SMOC2: variants seen among roughly 807,000 people sequenced by gnomAD.
SMOC2 encodes SPARC related modular calcium binding 2, also known as SPARC-related modular calcium-binding protein 2.
Under a neutral mutation model 61.4 loss-of-function variants are expected in SMOC2, and 39 were observed. The observed-to-expected ratio is 0.64, with a 90% CI of 0.49 to 0.83. SMOC2 has a LOEUF of 0.83. SMOC2 is among the 40% of genes least tolerant of loss of function. SMOC2 has a pLI of 0.00. For missense variants in SMOC2, 556 were observed against 592.9 expected, an observed-to-expected ratio of 0.94 and a Z score of 0.65; for synonymous variants, 247 against 239.9, an observed-to-expected ratio of 1.03 and a Z score of -0.27.
chr6:168,648,384 C>T (rs1193646050), intron 9 of SMOC2, among the ~76,000 whole-genome samples: 2 of 152,224 alleles, frequency 1.3e-5, no homozygotes, highest in East Asian at 1.9e-4. Context: ...CACGTGTTCC[C>T]GAGCCTGTGC....
chr6:168,542,974 C>G (rs1783905676), intron 4 of SMOC2, among the ~76,000 whole-genome samples: 2 of 152,166 alleles, frequency 1.3e-5, no homozygotes, highest in African/African-American at 4.8e-5. Flanking sequence ...TATTCAACTG[C>G]CAGTAAACTC....
chr6:168,443,094 C>G (rs1781252807), intron 1 of SMOC2, among the ~76,000 whole-genome samples: 1 of 152,230 alleles, frequency 6.6e-6, no homozygotes, highest in Non-Finnish European at 1.5e-5. Context: ...CAAAGGAGAT[C>G]ATAGCATTTT....
intron 7 of SMOC2, among the ~76,000 whole-genome samples, chr6:168,584,794 C>G (rs533179169): frequency 6.6e-6 from 1 of 152,250 alleles, no homozygotes; most frequent in South Asian, 2.1e-4. Context: ...GATGCACAGA[C>G]GGCCGTGCAC....
At chr6:168,579,399 G>T (rs1382179109) in intron 7 of SMOC2, among the ~76,000 whole-genome samples, 1 of 152,190 alleles carries the variant, frequency 6.6e-6, no homozygotes, top group East Asian at 1.9e-4. Flanking sequence ...CTCATCAGCT[G>T]TATTAGGTGA....
intron 9 of SMOC2, among the ~76,000 whole-genome samples, chr6:168,640,090 C>T (rs1218789270): frequency 6.6e-6 from 1 of 152,176 alleles, no homozygotes; most frequent in Non-Finnish European, 1.5e-5. Context: ...TCACTGCTCC[C>T]TCCTGATGGA....
rs1319874468 is a variant in SMOC2, at chr6:168,457,575, A to G, written c.84+16121A>G. Among the ~76,000 whole-genome samples the G allele has an allele frequency of 2.6e-5, 4 of 152,300 alleles. No homozygotes were observed. The East Asian group carries it at 7.7e-4, about 29-fold the overall frequency. On this transcript the variant is annotated intron_variant, in intron 1 of 12. Coordinates refer to ENST00000356284, the MANE Select transcript of SMOC2 (RefSeq NM_001166412.2). The stretch of plus-strand genomic sequence containing the variant: ...TGCGGCAGAGTAATCCTCCCAGAAC[A>G]TGAGCCCCGCGTCACGTCCTTCCAG...
chr6:168,505,705 G>C (rs1782858646), intron 1 of SMOC2, among the ~76,000 whole-genome samples: 2 of 152,236 alleles, frequency 1.3e-5, no homozygotes, highest in African/African-American at 4.8e-5. Flanking sequence ...TTCCATATTT[G>C]CTTGGAAGAT....
chr6:168,589,018 A>C (rs1269654705), intron 7 of SMOC2, among the ~76,000 whole-genome samples: 1 of 146,950 alleles, frequency 6.8e-6, no homozygotes, highest in Non-Finnish European at 1.5e-5. Context: ...TGGAGGTTGC[A>C]GTGAGTTGAG....
At chr6:168,480,003 G>T (rs1377930882) in intron 1 of SMOC2, among the ~76,000 whole-genome samples, 3 of 152,152 alleles carry the variant, frequency 2.0e-5, no homozygotes, top group African/African-American at 7.2e-5. Context: ...AGGGAAAGGT[G>T]CAGGCTCAGA....
At chr6:168,635,130 A>G (rs2115252092) in intron 9 of SMOC2, among the ~76,000 whole-genome samples, 2 of 152,300 alleles carry the variant, frequency 1.3e-5, no homozygotes, top group East Asian at 3.9e-4. Context: ...GTTCTCTCTT[A>G]TTTCAAACTT....
chr6:168,510,137 A>G, intron 2 of SMOC2, 51 bp downstream of exon 2: 1 of 1,541,996 alleles, frequency 6.5e-7, no homozygotes, highest in South Asian at 1.2e-5. Flanking sequence ...CCATCATCAA[A>G]ATGAATGCAA....
rs542977900 is a variant in SMOC2, at chr6:168,600,445, A to C, written c.824+1441A>C. Among the ~76,000 whole-genome samples the C allele has an allele frequency of 2.9e-3, 425 of 144,690 alleles. 18 individuals are homozygous for C. Among genetic ancestry groups the C allele is most frequent in the African/African-American group, 0.01 (392 of 39,102 alleles). 94.9% of individuals were successfully genotyped at this position (144,690 alleles called of 152,430 possible). A position where few individuals can be genotyped will look rare whatever the true frequency, so the allele number is the denominator to read the frequency against. On this transcript the variant is annotated intron_variant, in intron 8 of 12. Transcript: ENST00000356284. ...AACAAAAAAAAAAACAAAAAAAAAA[A>C]CAGTAGTTTCAACTGTTGGAAACTG...
At chr6:168,641,831 T>C (rs1048725944) in intron 9 of SMOC2, among the ~76,000 whole-genome samples, 1 of 152,214 alleles carries the variant, frequency 6.6e-6, no homozygotes, top group African/African-American at 2.4e-5. Flanking sequence ...CTTCTATCAG[T>C]GTATTAGTTA....
chr6:168,454,290 C>CATCGCA (rs1219937759), intron 1 of SMOC2, among the ~76,000 whole-genome samples: 2 of 152,250 alleles, frequency 1.3e-5, no homozygotes, highest in East Asian at 3.9e-4. Context: ...AGAGCTGAGG[C>CATCGCA]ATCGCTGAAG....
At chr6:168,663,368 C>T (rs1787571248) in intron 11 of SMOC2, among the ~76,000 whole-genome samples, 1 of 152,106 alleles carries the variant, frequency 6.6e-6, no homozygotes, top group Non-Finnish European at 1.5e-5. Flanking sequence ...GAGCCAAACA[C>T]GTTCATCTCT....
chr6:168,621,996 C>T (rs527630308), intron 9 of SMOC2, among the ~76,000 whole-genome samples: 2 of 151,830 alleles, frequency 1.3e-5, no homozygotes, highest in African/African-American at 2.4e-5. Context: ...GATGGAGTCT[C>T]GCTCTGTGGC....
At chr6:168,585,980 G>A (rs1467645184) in intron 7 of SMOC2, among the ~76,000 whole-genome samples, 2 of 152,044 alleles carry the variant, frequency 1.3e-5, no homozygotes, top group African/African-American at 2.4e-5. Context: ...CTTTTGGTGA[G>A]GTAAGTTCTA....
intron 1 of SMOC2, among the ~76,000 whole-genome samples, chr6:168,502,736 TTTTAA>T (rs59846215): frequency 0.019 from 2,870 of 149,336 alleles, 76 homozygotes; most frequent in African/African-American, 0.064. Context: ...TTTTATTTTA[TTTTAA>T]TTTAATTTAA....
intron 7 of SMOC2, among the ~76,000 whole-genome samples, chr6:168,574,331 T>C (rs73789128): frequency 0.014 from 2,142 of 152,268 alleles, 46 homozygotes; most frequent in African/African-American, 0.049. Context: ...GCAGCCATCC[T>C]GGAACAGGGC....
Sources: allele counts gnomAD v4.1 joint callset (sites outside exome capture counted in the v4.1 genomes callset), GRCh38; gene constraint gnomAD v4.1.1; transcripts MANE v1.5; gene names NCBI Gene and HGNC (gene_info 2026-07-23, HGNC 2026-07-21).